Variants in CLIP2 observed in about 807,000 individuals in gnomAD.
CLIP2 encodes the protein CAP-Gly domain containing linker protein 2.
CLIP2 carries 41 observed loss-of-function variants against 111.7 expected under a neutral mutation model. The ratio of observed to expected loss-of-function variants is 0.37; its 90% CI spans 0.29 to 0.48. The LOEUF is 0.48. Among genes scored for constraint, CLIP2 ranks in the 20% least tolerant of loss-of-function variants. The probability of loss-of-function intolerance (pLI) is 0.99; values close to 1 mark genes in which losing one functional copy is unlikely to be tolerated. For synonymous variants in CLIP2, 660 were observed against 644.2 expected, an observed-to-expected ratio of 1.02 and a Z score of -0.37; for missense variants, 1,160 against 1,422.1, an observed-to-expected ratio of 0.82 and a Z score of 2.96.
intron 1 of CLIP2, among the ~76,000 whole-genome samples, chr7:74,304,633 C>CCCATGTGCACAACCCATGTGAACAT (rs1788426775): frequency 6.6e-6 from 1 of 150,508 alleles, no homozygotes; most frequent in Non-Finnish European, 1.5e-5. Flanking sequence ...CCATGTGCAC[C>CCCATGTGCACAACCCATGTGAACAT]CCATAGGGCT....
intron 8 of CLIP2, among the ~76,000 whole-genome samples, chr7:74,365,617 G>A (rs1554310692): frequency 6.6e-6 from 1 of 151,936 alleles, no homozygotes; most frequent in Non-Finnish European, 1.5e-5. Context: ...GGGCGGGACA[G>A]ACAGTGACAG....
intron 3 of CLIP2, among the ~76,000 whole-genome samples, chr7:74,343,357 C>G (rs1317455965): frequency 6.6e-6 from 1 of 152,092 alleles, no homozygotes; most frequent in East Asian, 1.9e-4. Flanking sequence ...CCAACAGGAC[C>G]TGGGCAAACA....
Position 74,376,632 on chromosome 7 carries a change from G to A in CLIP2, c.2231G>A (p.Gly744Asp), listed in dbSNP as rs782187833. The A allele has an allele frequency of 2.0e-5, 32 of 1,613,418 alleles. 1 individual carries two copies. The Admixed American group carries it at 5.3e-4, about 27-fold the overall frequency. ...ELEKLDVEYR[G>D]QAQAIEFLKE... ...GAAAAACTGGACGTGGAGTACCGGGGCCAGGCGCAGGCTATCGAGTTCCTC... is the reference window on the plus strand; with the variant it reads ...GAAAAACTGGACGTGGAGTACCGGGACCAGGCGCAGGCTATCGAGTTCCTC... Residue 744 changes from glycine to aspartate, a missense_variant, in exon 10 of 17, where the codon GGC (glycine) becomes GAC (aspartate). Around this residue, in one of 5 missense-constraint regions of CLIP2, gnomAD observed 676 missense variants for 777.8 expected, o/e 0.87. Coordinates refer to ENST00000223398, the MANE Select transcript of CLIP2 (RefSeq NM_003388.5). The surrounding 1 kb of genome is among the most constrained non-coding windows in gnomAD (Gnocchi z 7.1).
At position 74,405,708 on chromosome 7, in the gene CLIP2, G is replaced by A. The variant is rs1554318529; in HGVS notation, c.*1860G>A. 1 of 152,640 alleles carries A rather than the reference G, an allele frequency of 6.6e-6. No individual in the cohort carries two copies. Among genetic ancestry groups the A allele is most frequent in the Admixed American group, 6.6e-5 (1 of 15,258 alleles). 9.5% of individuals were successfully genotyped at this position (152,640 alleles called of 1,614,324 possible). A position where few individuals can be genotyped will look rare whatever the true frequency, so the allele number is the denominator to read the frequency against. On this transcript the variant is annotated 3_prime_UTR_variant, in exon 17 of 17. Coordinates refer to ENST00000223398, the MANE Select transcript of CLIP2 (RefSeq NM_003388.5). ...GGTCCATCTAGCAGGGTGCCGGGAG[G>A]AGCTGAGCCCCCGGAGGTGGGCTCC...
intron 3 of CLIP2, among the ~76,000 whole-genome samples, chr7:74,343,996 G>A (rs1218896085): frequency 6.6e-6 from 1 of 152,196 alleles, no homozygotes; most frequent in African/African-American, 2.4e-5. Flanking sequence ...CTAATGTCGT[G>A]GGAGTGCCCT....
chr7:74,383,912 C>G (rs939933082), intron 11 of CLIP2, among the ~76,000 whole-genome samples: 21 of 152,318 alleles, frequency 1.4e-4, no homozygotes, highest in African/African-American at 5.0e-4. Context: ...CCTCTCCCCC[C>G]AGCCCATCAC....
intron 13 of CLIP2, among the ~76,000 whole-genome samples, chr7:74,390,122 A>AAGAGAG (rs1166051106): frequency 7.8e-6 from 1 of 127,982 alleles, no homozygotes; most frequent in East Asian, 2.3e-4. Flanking sequence ...AAAGAAAGAA[A>AAGAGAG]AGAGAGAGAG....
In CLIP2 at chr7:74,405,616, C is replaced by G. The variant is rs1156503501; in HGVS notation, c.*1768C>G. 1 of 152,680 alleles carries G rather than the reference C, an allele frequency of 6.5e-6. No homozygotes were observed. Among genetic ancestry groups the G allele is most frequent in the Non-Finnish European group, 1.5e-5 (1 of 68,098 alleles). The allele number at this position is 152,680 out of a possible 1,614,324, so 9.5% of individuals were successfully genotyped here. A position where few individuals can be genotyped will look rare whatever the true frequency, so the allele number is the denominator to read the frequency against. Reference sequence around the variant, plus strand: ...GCCTAACCCAGGGTCAAATACAGCTCTTTCTAGCAAAATCAGGCAGCTCTG... The same window carrying G: ...GCCTAACCCAGGGTCAAATACAGCTGTTTCTAGCAAAATCAGGCAGCTCTG... On this transcript the variant is annotated 3_prime_UTR_variant, in exon 17 of 17. Coordinates refer to ENST00000223398, the MANE Select transcript of CLIP2 (RefSeq NM_003388.5).
intron 12 of CLIP2, among the ~76,000 whole-genome samples, chr7:74,388,492 C>A (rs1302057463): frequency 1.3e-5 from 2 of 148,218 alleles, no homozygotes; most frequent in Non-Finnish European, 1.5e-5. Context: ...AGCAAGACTC[C>A]GTCTCAAAAA....
rs1789902037 is a variant in CLIP2 at position 74,349,297 on chromosome 7, GGCAC to G, written c.679-4581_679-4578del. Reference sequence around the variant, plus strand: ...AATACAAAAATTAGCTGGGCGTGGTGGCACGTGCCTGTAATCCCAGCTACTAGGG... The same window carrying G: ...AATACAAAAATTAGCTGGGCGTGGTGGTGCCTGTAATCCCAGCTACTAGGG... On this transcript the variant is annotated intron_variant, in intron 3 of 16. Transcript: ENST00000223398. Among the ~76,000 whole-genome samples, 3 of 151,194 alleles carry G rather than the reference GGCAC, an allele frequency of 2.0e-5. No homozygotes were observed. The South Asian group carries it at 6.3e-4, about 32-fold the overall frequency.
At chr7:74,347,779 ATGT>A (rs1301147808) in intron 3 of CLIP2, among the ~76,000 whole-genome samples, 8 of 152,366 alleles carry the variant, frequency 5.3e-5, no homozygotes, top group East Asian at 3.9e-4. Flanking sequence ...ATGAATATTC[ATGT>A]TGTATAAATA....
intron 1 of CLIP2, among the ~76,000 whole-genome samples, chr7:74,297,639 C>T (rs1181683512): frequency 2.0e-5 from 3 of 152,018 alleles, no homozygotes; most frequent in Admixed American, 6.6e-5. Context: ...GCCTTGCGTG[C>T]TTAGGGGACC....
chr7:74,357,543 G>A, intron 6 of CLIP2, 66 bp downstream of exon 6: 1 of 1,463,184 alleles, frequency 6.8e-7, no homozygotes, highest in Non-Finnish European at 9.4e-7. Flanking sequence ...CACCCACTCA[G>A]AGCGGAGACC....
intron 1 of CLIP2, among the ~76,000 whole-genome samples, chr7:74,299,348 TAAATAAATAAATA>T (rs1396417853): frequency 2.6e-5 from 4 of 151,414 alleles, no homozygotes; most frequent in African/African-American, 9.7e-5. Flanking sequence ...AATAAATAAA[TAAATAAATAAATA>T]AATAAAGGCC....
At chr7:74,401,682 C>A in intron 16 of CLIP2, 115 bp downstream of exon 16, 1 of 1,075,964 alleles carries the variant, frequency 9.3e-7, no homozygotes, top group Non-Finnish European at 1.4e-6. Context: ...AGAAGCTTTA[C>A]AGTAGGGTCC....
intron 2 of CLIP2, among the ~76,000 whole-genome samples, chr7:74,320,736 G>A (rs1218140637): frequency 6.6e-6 from 1 of 152,126 alleles, no homozygotes; most frequent in Non-Finnish European, 1.5e-5. Context: ...TGGAAGAAGC[G>A]TGAATGAGCT....
intron 2 of CLIP2, among the ~76,000 whole-genome samples, chr7:74,323,700 AC>A (rs1554730303): frequency 6.6e-6 from 1 of 152,088 alleles, no homozygotes; most frequent in African/African-American, 2.4e-5. Context: ...TGCTGGGATC[AC>A]AGGCATGAGC....
Position 74,317,525 on chromosome 7 carries a change from C to A in CLIP2, c.-22C>A. 7.1e-7 allele frequency: 1 copy of A among 1,400,454 alleles called. No individual in the cohort carries two copies. Among genetic ancestry groups the A allele is most frequent in the East Asian group, 2.7e-5 (1 of 37,048 alleles). The allele number at this position is 1,400,454 out of a possible 1,614,324, so 86.8% of individuals were successfully genotyped here. On this transcript the variant is annotated 5_prime_UTR_variant, in exon 2 of 17. Transcript: ENST00000223398. Reference sequence around the variant, plus strand: ...GGACGTGACCAGCACTCACCCTTGTCCACCTGCCCAGTGGCACCGCCATGC... The same window carrying A: ...GGACGTGACCAGCACTCACCCTTGTACACCTGCCCAGTGGCACCGCCATGC...
chr7:74,359,394 C>T (rs1484280867), intron 6 of CLIP2, among the ~76,000 whole-genome samples: 2 of 148,792 alleles, frequency 1.3e-5, no homozygotes, highest in East Asian at 3.9e-4. Context: ...CGCTCTGTCG[C>T]CCAGGCTGGA....
Sources: allele counts gnomAD v4.1 joint callset (sites outside exome capture counted in the v4.1 genomes callset), GRCh38; gene constraint gnomAD v4.1.1; regional missense constraint gnomAD v4.1.1; non-coding constraint Gnocchi (gnomAD v3.1); transcripts MANE v1.5; gene names NCBI Gene and HGNC (gene_info 2026-07-23, HGNC 2026-07-21).